Variants in TIAM1 observed in about 807,000 individuals in gnomAD.
The protein encoded by TIAM1 is TIAM Rac1 associated GEF 1, also known as rho guanine nucleotide exchange factor TIAM1.
Under a neutral mutation model 163.5 loss-of-function variants are expected in TIAM1, and 65 were observed. That is an observed-to-expected ratio of 0.40 (90% CI 0.33 to 0.49). The LOEUF is 0.49. Ranked by LOEUF, TIAM1 falls within the 20% of genes least tolerant of loss-of-function variation. TIAM1 has a pLI of 0.77. For missense variants in TIAM1, 1,789 were observed against 2,044.7 expected (o/e 0.87, Z 2.41); for synonymous variants, 833 against 810.1 (o/e 1.03, Z -0.48).
chr21:31,479,337 G>A (rs2147391418), intron 1 of TIAM1, among the ~76,000 whole-genome samples: 1 of 152,170 alleles, frequency 6.6e-6, no homozygotes, highest in Admixed American at 6.5e-5. Flanking sequence ...CTGTGATTCT[G>A]TCTGGTTATA....
chr21:31,355,407 T>C (rs942426206), intron 2 of TIAM1, among the ~76,000 whole-genome samples: 1 of 152,188 alleles, frequency 6.6e-6, no homozygotes, highest in Non-Finnish European at 1.5e-5. Context: ...TTGAGGTCTT[T>C]GTTCAACATC....
intron 2 of TIAM1, among the ~76,000 whole-genome samples, chr21:31,321,148 G>A (rs1009707190): frequency 5.3e-5 from 8 of 149,878 alleles, no homozygotes; most frequent in African/African-American, 1.0e-4. Flanking sequence ...AGAAGGGGGC[G>A]GGGGGGGATG....
At chr21:31,426,838 A>C (rs925641267) in intron 2 of TIAM1, among the ~76,000 whole-genome samples, 1 of 152,222 alleles carries the variant, frequency 6.6e-6, no homozygotes, top group African/African-American at 2.4e-5. Flanking sequence ...GATGCTATAA[A>C]GACAAGCACT....
intron 1 of TIAM1, among the ~76,000 whole-genome samples, chr21:31,482,996 A>G (rs2046165135): frequency 6.6e-6 from 1 of 152,208 alleles, no homozygotes. Context: ...AGGCTCAGAC[A>G]CTAAGCAGCC....
At chr21:31,386,059 G>A (rs1602150651) in intron 2 of TIAM1, among the ~76,000 whole-genome samples, 2 of 151,938 alleles carry the variant, frequency 1.3e-5, no homozygotes, top group East Asian at 3.9e-4. Flanking sequence ...TAACTTCAAG[G>A]TCAAAGCAAG....
At chr21:31,125,478 G>A (rs576034166) in intron 26 of TIAM1, among the ~76,000 whole-genome samples, 20 of 152,316 alleles carry the variant, frequency 1.3e-4, no homozygotes, top group African/African-American at 4.3e-4. Context: ...CAGCTTCCCG[G>A]GGATCTGCCT....
chr21:31,506,170 A>C (rs1389258578), intron 1 of TIAM1, among the ~76,000 whole-genome samples: 1 of 151,726 alleles, frequency 6.6e-6, no homozygotes, highest in Non-Finnish European at 1.5e-5. Context: ...CACAGCAGGA[A>C]ATCAGCCACC....
At chr21:31,191,643 C>G (rs1176868182) in intron 13 of TIAM1, among the ~76,000 whole-genome samples, 1 of 152,192 alleles carries the variant, frequency 6.6e-6, no homozygotes, top group Non-Finnish European at 1.5e-5. Flanking sequence ...GAAATTAAAA[C>G]AAAACAAAAT....
chr21:31,389,176 T>C (rs2076928616), intron 2 of TIAM1, among the ~76,000 whole-genome samples: 1 of 152,228 alleles, frequency 6.6e-6, no homozygotes, highest in African/African-American at 2.4e-5. Flanking sequence ...ATTCTTCTTA[T>C]GATGTTTTTC....
At chr21:31,341,788 G>A (rs1200506934) in intron 1 of TIAM1, among the ~76,000 whole-genome samples, 1 of 152,168 alleles carries the variant, frequency 6.6e-6, no homozygotes, top group Non-Finnish European at 1.5e-5. Context: ...TTCAAAGGCT[G>A]TTTAAGGCCT....
chr21:31,358,358 G>C (rs1041214462), intron 2 of TIAM1, among the ~76,000 whole-genome samples: 5 of 152,010 alleles, frequency 3.3e-5, no homozygotes, highest in African/African-American at 7.3e-5. Flanking sequence ...CCTGTTTCTG[G>C]AGAAATCAAC....
rs185505865 is a variant in TIAM1, at chr21:31,410,406, G to A, written c.-369+53577C>T. On this transcript the variant is annotated intron_variant, in intron 2 of 28. Coordinates refer to the TIAM1 transcript ENST00000286827. Reference sequence around the variant, plus strand: ...TGTGTGACGGTACGTAAATGAGACAGTGAGAGTATGTGAGTGCGTAAGTGT... The same window carrying A: ...TGTGTGACGGTACGTAAATGAGACAATGAGAGTATGTGAGTGCGTAAGTGT... Among the ~76,000 whole-genome samples, 494 of 152,058 alleles carry A rather than the reference G, an allele frequency of 3.2e-3. 1 individual carries two copies. Among genetic ancestry groups the A allele is most frequent in the Non-Finnish European group, 5.0e-3 (340 of 67,966 alleles).
chr21:31,341,618 T>C (rs1414451893), intron 1 of TIAM1, among the ~76,000 whole-genome samples: 1 of 152,208 alleles, frequency 6.6e-6, no homozygotes, highest in Non-Finnish European at 1.5e-5. Context: ...CCTCAATTAA[T>C]ACACAAAACC....
At chr21:31,357,147 G>C (rs1182309368) in intron 2 of TIAM1, among the ~76,000 whole-genome samples, 1 of 152,146 alleles carries the variant, frequency 6.6e-6, no homozygotes, top group Non-Finnish European at 1.5e-5. Flanking sequence ...ACTGTGGCTA[G>C]AGAAAACAGA....
At chr21:31,496,459 CAAA>C (rs58140674) in intron 1 of TIAM1, among the ~76,000 whole-genome samples, 19,075 of 87,366 alleles carry the variant, frequency 0.22, 1,087 homozygotes, top group Middle Eastern at 0.29. Context: ...AACTCTGTCT[CAAA>C]AAAAAAAAAA....
intron 13 of TIAM1, among the ~76,000 whole-genome samples, chr21:31,194,345 G>GA (rs2085739665): frequency 6.6e-6 from 1 of 152,062 alleles, no homozygotes; most frequent in Non-Finnish European, 1.5e-5. Context: ...ACCTAGGGAT[G>GA]GTCTTGGGGA....
Position 31,182,529 on chromosome 21 carries a change from A to G in TIAM1, c.2779T>C (p.Tyr927His), listed in dbSNP as rs2085081573. 6.2e-7 allele frequency: 1 copy of G among 1,613,830 alleles called. No individual in the cohort carries two copies. Among genetic ancestry groups the G allele is most frequent in the Non-Finnish European group, 8.5e-7 (1 of 1,179,944 alleles). ...TCCACTCCTTCCTCCAGCTCGGGGT[A>G]GGTCCTCACCAGGAGGCCCAGCGAG... ...QPSLGLLVRT[Y>H]PELEEGVELL... The change falls in exon 15 of 28, where the codon TAC becomes CAC. Residue 927 changes from tyrosine (Y) to histidine (H), a missense_variant. By Grantham distance (83) the Tyr-to-His change is moderately conservative. Coordinates refer to ENST00000541036, the MANE Select transcript of TIAM1 (RefSeq NM_001353694.2).
chr21:31,429,125 C>T (rs2043905242), intron 2 of TIAM1, among the ~76,000 whole-genome samples: 1 of 151,972 alleles, frequency 6.6e-6, no homozygotes, highest in Admixed American at 6.6e-5. Flanking sequence ...TCAGCCTCCC[C>T]AGTTGCTGGG....
intron 13 of TIAM1, among the ~76,000 whole-genome samples, chr21:31,192,374 T>C (rs910074556): frequency 3.9e-5 from 6 of 152,122 alleles, no homozygotes; most frequent in Non-Finnish European, 7.4e-5. Context: ...TCCCAGCACT[T>C]TGGGAGGCCG....
Sources: allele counts gnomAD v4.1 joint callset (sites outside exome capture counted in the v4.1 genomes callset), GRCh38; gene constraint gnomAD v4.1.1; transcripts MANE v1.5; gene names NCBI Gene and HGNC (gene_info 2026-07-23, HGNC 2026-07-21).